Variants in SLC25A30 observed in about 807,000 individuals in gnomAD.
SLC25A30 encodes the protein kidney mitochondrial carrier protein 1.
In SLC25A30, 29 loss-of-function variants were observed where a neutral mutation model predicts 42.7. That is an observed-to-expected ratio of 0.68 (90% CI 0.51 to 0.93). SLC25A30 has a LOEUF of 0.93. Among genes scored for constraint, SLC25A30 ranks in the 40% least tolerant of loss-of-function variants. The pLI, the probability that SLC25A30 is intolerant of heterozygous loss-of-function variation, is 0.00. For synonymous variants in SLC25A30, 124 were observed against 131.0 expected, an observed-to-expected ratio of 0.95 and a Z score of 0.37; for missense variants, 300 against 359.7, an observed-to-expected ratio of 0.83 and a Z score of 1.34.
At chr13:45,406,080 C>T (rs1882477285) in intron 3 of SLC25A30, 103 bp from the exon 4 acceptor site, 2 of 1,038,788 alleles carry the variant, frequency 1.9e-6, no homozygotes, top group Admixed American at 5.0e-5. Context: ...ACTACATTCT[C>T]TAAAACAATT....
chr13:45,411,647 A>G (rs2137683158), intron 1 of SLC25A30, 167 bp from the exon 2 acceptor site: 1 of 535,566 alleles, frequency 1.9e-6, no homozygotes, highest in Non-Finnish European at 3.4e-6. Context: ...TATTTCCTCA[A>G]CCTCAAATCA....
the SLC25A30 span, among the ~76,000 whole-genome samples, chr13:45,424,637 A>G: frequency 4.4e-5 from 2 of 45,476 alleles, no homozygotes; most frequent in South Asian, 1.2e-3. Context: ...AAATATGTAT[A>G]TAAACATAAA....
chr13:45,413,959 T>A (rs1022212727), intron 1 of SLC25A30, among the ~76,000 whole-genome samples: 1 of 152,216 alleles, frequency 6.6e-6, no homozygotes, highest in Non-Finnish European at 1.5e-5. Flanking sequence ...TTAATACTAA[T>A]ATGCAAATAC....
intron 3 of SLC25A30, among the ~76,000 whole-genome samples, chr13:45,407,764 G>A (rs925554002): frequency 1.3e-5 from 2 of 152,116 alleles, no homozygotes; most frequent in Non-Finnish European, 2.9e-5. Flanking sequence ...CCAGGACATG[G>A]AAGCTCCAGC....
At position 45,404,749 on chromosome 13, in the gene SLC25A30, T is replaced by G. The variant is rs145368746; in HGVS notation, c.308-337A>C. 1.3e-3 allele frequency among the ~76,000 whole-genome samples: 195 copies of G among 152,156 alleles called. 1 individual carries two copies. Among genetic ancestry groups the G allele is most frequent in the African/African-American group, 4.3e-3 (180 of 41,518 alleles). ...AGGAGAATCACTTGAACACAGAAGG[T>G]GCAGGTTGCAGTGAACCAAGACCAC... On this transcript the variant is annotated intron_variant, in intron 4 of 9. Coordinates refer to ENST00000519676, the MANE Select transcript of SLC25A30 (RefSeq NM_001010875.4).
At chr13:45,409,254 A>G (rs1882791973) in intron 2 of SLC25A30, among the ~76,000 whole-genome samples, 180 bp from the exon 3 acceptor site, 1 of 152,172 alleles carries the variant, frequency 6.6e-6, no homozygotes, top group Non-Finnish European at 1.5e-5. Flanking sequence ...GATTAATAAA[A>G]CCCAAAAAAT....
At chr13:45,426,420 T>A in the SLC25A30 span, among the ~76,000 whole-genome samples, 2 of 152,178 alleles carry the variant, frequency 1.3e-5, no homozygotes, top group African/African-American at 2.4e-5. Context: ...ACATTTTAAA[T>A]CGTTATGTAA....
chr13:45,410,823 T>A (rs1027488030), intron 2 of SLC25A30, among the ~76,000 whole-genome samples: 2 of 152,114 alleles, frequency 1.3e-5, no homozygotes, highest in Non-Finnish European at 2.9e-5. Flanking sequence ...AAACAAAAAA[T>A]TTTAAAAAAC....
At chr13:45,418,206 C>T (rs1427533428) in intron 1 of SLC25A30, 94 bp downstream of exon 1, 3 of 152,522 alleles carry the variant, frequency 2.0e-5, no homozygotes, top group African/African-American at 4.8e-5. Context: ...AAGGAGGCTC[C>T]TCGGAAATCG....
chr13:45,406,493 T>C (rs1882523857), intron 3 of SLC25A30, among the ~76,000 whole-genome samples: 1 of 152,138 alleles, frequency 6.6e-6, no homozygotes. Context: ...AAAATGTAAG[T>C]GAAGAAGTTC....
At chr13:45,433,907 T>G in the SLC25A30 span, among the ~76,000 whole-genome samples, 1 of 152,218 alleles carries the variant, frequency 6.6e-6, no homozygotes, top group African/African-American at 2.4e-5. Flanking sequence ...TATTTTTTGT[T>G]CACACTGTTC....
Position 45,406,208 on chromosome 13 carries a change from G to A in SLC25A30, c.213-231C>T, listed in dbSNP as rs147561667. On this transcript the variant is annotated intron_variant, in intron 3 of 9. Coordinates refer to ENST00000519676, the MANE Select transcript of SLC25A30 (RefSeq NM_001010875.4). Reference sequence around the variant, plus strand: ...AGCGATTCTTCTGCCTCAGCCTCCCGAGTAGCTGGGAATACGGGCACCCGC... The same window carrying A: ...AGCGATTCTTCTGCCTCAGCCTCCCAAGTAGCTGGGAATACGGGCACCCGC... Among the ~76,000 whole-genome samples, 493 of 151,932 alleles carry A rather than the reference G, an allele frequency of 3.2e-3. 2 individuals carry two copies. The highest frequency in any genetic ancestry group is 0.011 in the African/African-American group (466 of 41,446).
intron 1 of SLC25A30, among the ~76,000 whole-genome samples, chr13:45,413,890 C>T (rs1883248501): frequency 1.3e-5 from 2 of 152,142 alleles, no homozygotes; most frequent in Non-Finnish European, 2.9e-5. Flanking sequence ...CTACTTTTTC[C>T]TCTGTCGGTT....
At chr13:45,425,597 C>CATATATATAA in the SLC25A30 span, among the ~76,000 whole-genome samples, 498 of 38,106 alleles carry the variant, frequency 0.013, 72 homozygotes, top group African/African-American at 0.042. Flanking sequence ...TATATATATA[C>CATATATATAA]ATATATATAT....
chr13:45,428,354 G>A, the SLC25A30 span, among the ~76,000 whole-genome samples: 5 of 143,042 alleles, frequency 3.5e-5, no homozygotes, highest in African/African-American at 7.8e-5. Flanking sequence ...GACTACAGGC[G>A]CATGCCACCA....
Position 45,397,249 on chromosome 13 carries a change from A to G in SLC25A30, c.834+9T>C, listed in dbSNP as rs767419334. 2 of 1,581,360 alleles carry G rather than the reference A, an allele frequency of 1.3e-6. No homozygotes were observed. The highest frequency in any genetic ancestry group is 2.2e-5 in the South Asian group (2 of 89,668). ...CTTTTTTCAGATCTATTGCAACAGAAAAGGATACAATGATATTCCAAGGAC... is the reference window on the plus strand; with the variant it reads ...CTTTTTTCAGATCTATTGCAACAGAGAAGGATACAATGATATTCCAAGGAC... On this transcript the variant is annotated intron_variant, in intron 9 of 9. Coordinates refer to ENST00000519676, the MANE Select transcript of SLC25A30 (RefSeq NM_001010875.4).
chr13:45,426,439 A>C, the SLC25A30 span, among the ~76,000 whole-genome samples: 3 of 152,178 alleles, frequency 2.0e-5, no homozygotes, highest in Non-Finnish European at 4.4e-5. Flanking sequence ...AAGTATCTAC[A>C]TAATCTCAAT....
At position 45,404,344 on chromosome 13, in the gene SLC25A30, G is replaced by A. The variant is rs1486951811; in HGVS notation, c.376C>T (p.Pro126Ser). The A allele has an allele frequency of 1.9e-6, 3 of 1,612,236 alleles. No homozygotes were observed. Among genetic ancestry groups the A allele is most frequent in the African/African-American group, 2.7e-5 (2 of 74,906 alleles). ...CAGCTTACTTTCAAAACATCAGTTG[G>A]ATTAGCAATGGTTGAAGATATGACT... ...SGVISSTIAN[P>S]TDVLKIRMQA... is the part of the protein sequence containing the mutation. Residue 126 changes from proline to serine, a missense_variant, in exon 5 of 10, where the codon CCA (proline) becomes TCA (serine). Transcript: ENST00000519676.
At chr13:45,432,542 G>T in the SLC25A30 span, among the ~76,000 whole-genome samples, 1 of 151,840 alleles carries the variant, frequency 6.6e-6, no homozygotes, top group Non-Finnish European at 1.5e-5. Context: ...TAAATAGTTG[G>T]GTATAAAATT....
Sources: allele counts gnomAD v4.1 joint callset (sites outside exome capture counted in the v4.1 genomes callset), GRCh38; gene constraint gnomAD v4.1.1; transcripts MANE v1.5; gene names NCBI Gene and HGNC (gene_info 2026-07-23, HGNC 2026-07-21).